NOS1AP: variants seen among roughly 807,000 people sequenced by gnomAD.
The protein encoded by NOS1AP is nitric oxide synthase 1 adaptor protein, also known as carboxyl-terminal PDZ ligand of neuronal nitric oxide synthase protein.
A neutral mutation model predicts 56.2 loss-of-function variants in NOS1AP; 21 were observed. The ratio of observed to expected loss-of-function variants is 0.37; its 90% CI spans 0.26 to 0.54. The LOEUF is 0.54. NOS1AP is among the 20% of genes least tolerant of loss of function. NOS1AP has a pLI of 0.84. For synonymous variants in NOS1AP, 270 were observed against 274.6 expected, an observed-to-expected ratio of 0.98 and a Z score of 0.17; for missense variants, 522 against 657.8, an observed-to-expected ratio of 0.79 and a Z score of 2.26.
chr1:162,251,857 G>GTTTTTTT (rs771192069), intron 2 of NOS1AP, among the ~76,000 whole-genome samples: 7 of 100,438 alleles, frequency 7.0e-5, no homozygotes, highest in Admixed American at 1.3e-4. Context: ...CTAGCTAGTT[G>GTTTTTTT]TTTTTTTTTT....
chr1:162,256,945 A>G (rs756904161), intron 2 of NOS1AP, among the ~76,000 whole-genome samples: 1 of 152,194 alleles, frequency 6.6e-6, no homozygotes, highest in Non-Finnish European at 1.5e-5. Context: ...TTAATAGTTC[A>G]AAGTGCCAAC....
chr1:162,331,628 C>T (rs1162049393), intron 4 of NOS1AP, among the ~76,000 whole-genome samples: 2 of 152,150 alleles, frequency 1.3e-5, no homozygotes, highest in Non-Finnish European at 2.9e-5. Flanking sequence ...CAGCACAGAC[C>T]TACACTAAAA....
At chr1:162,162,812 C>T (rs961086673) in intron 2 of NOS1AP, among the ~76,000 whole-genome samples, 4 of 152,112 alleles carry the variant, frequency 2.6e-5, no homozygotes, top group African/African-American at 2.4e-5. Flanking sequence ...GTATAATTTG[C>T]ATACCATATA....
intron 2 of NOS1AP, among the ~76,000 whole-genome samples, chr1:162,239,793 G>A (rs1277598498): frequency 1.3e-5 from 2 of 152,222 alleles, no homozygotes; most frequent in Non-Finnish European, 2.9e-5. Flanking sequence ...CAAGTAGGGT[G>A]ATGTTGCAAA....
rs1204805892 is a variant in NOS1AP at position 162,070,128 on chromosome 1, C to A, written c.-50C>A. Reference sequence around the variant, plus strand: ...CTCCCCTCCCCGGGGTCTCGCCAGCCCCTTCCTGCAGCCGCCGCCTCCGAA... The same window carrying A: ...CTCCCCTCCCCGGGGTCTCGCCAGCACCTTCCTGCAGCCGCCGCCTCCGAA... On this transcript the variant is annotated 5_prime_UTR_variant, in exon 1 of 10. Transcript: ENST00000361897. The A allele has an allele frequency of 6.8e-7, 1 of 1,477,662 alleles. No homozygotes were observed. The highest frequency in any genetic ancestry group is 9.5e-7 in the Non-Finnish European group (1 of 1,057,042). 91.5% of individuals were successfully genotyped at this position (1,477,662 alleles called of 1,614,324 possible).
intron 2 of NOS1AP, among the ~76,000 whole-genome samples, chr1:162,282,081 C>G (rs1571187718): frequency 1.3e-5 from 2 of 152,236 alleles, no homozygotes; most frequent in South Asian, 4.1e-4. Context: ...GCCTGGGGGA[C>G]AAGAGTGAGA....
In NOS1AP at chr1:162,287,430, G is replaced by GAA; in HGVS notation, c.268_269dup (p.Leu91SerfsTer19). ...GAGTGAAAGTGATTCTGAAGAAGAA[G>GAA]AAAAAGGTAAGTGGCTCTGAACCAG... On this transcript the variant is annotated frameshift_variant, in exon 3 of 10. Coordinates refer to ENST00000361897, the MANE Select transcript of NOS1AP (RefSeq NM_014697.3). LOFTEE classifies it high-confidence loss of function. The GAA allele has an allele frequency of 6.2e-7, 1 of 1,608,992 alleles. No individual in the cohort carries two copies. Among genetic ancestry groups the GAA allele is most frequent in the Non-Finnish European group, 8.5e-7 (1 of 1,175,340 alleles).
At chr1:162,229,757 G>T (rs990359495) in intron 2 of NOS1AP, among the ~76,000 whole-genome samples, 3 of 152,106 alleles carry the variant, frequency 2.0e-5, no homozygotes, top group African/African-American at 7.2e-5. Context: ...ATAATCCCAG[G>T]GTGGTAGTAA....
At chr1:162,081,774 A>ATATATATATATTTTTTTTTTTTTTTTT in intron 1 of NOS1AP, among the ~76,000 whole-genome samples, 4 of 44,054 alleles carry the variant, frequency 9.1e-5, no homozygotes, top group African/African-American at 2.3e-4. Flanking sequence ...ATATATATAT[A>ATATATATATATTTTTTTTTTTTTTTTT]TTTTTTTTTT....
In NOS1AP at chr1:162,113,257, C is replaced by T. The variant is rs541697501; in HGVS notation, c.106-41148C>T. On this transcript the variant is annotated intron_variant, in intron 1 of 9. Transcript: ENST00000361897. Reference sequence around the variant, plus strand: ...GGGGGATGTTGGTTCCCATAGTAAGCACAATTGTTGGAGCATTACTGGAGG... The same window carrying T: ...GGGGGATGTTGGTTCCCATAGTAAGTACAATTGTTGGAGCATTACTGGAGG... Among the ~76,000 whole-genome samples the T allele has an allele frequency of 3.3e-5, 5 of 152,216 alleles. No homozygotes were observed. The East Asian group carries it at 9.6e-4, about 29-fold the overall frequency.
chr1:162,110,605 A>G (rs1227089546), intron 1 of NOS1AP, among the ~76,000 whole-genome samples: 1 of 152,196 alleles, frequency 6.6e-6, no homozygotes, highest in Non-Finnish European at 1.5e-5. Context: ...GTAATGTAAT[A>G]TCTTTAGGTG....
chr1:162,346,566 A>G (rs907443115), intron 6 of NOS1AP, among the ~76,000 whole-genome samples: 1 of 152,234 alleles, frequency 6.6e-6, no homozygotes, highest in African/African-American at 2.4e-5. Flanking sequence ...CACATTTCTT[A>G]TGCATGGAAT....
chr1:162,096,464 G>A (rs1692242677), intron 1 of NOS1AP, among the ~76,000 whole-genome samples: 1 of 151,938 alleles, frequency 6.6e-6, no homozygotes, highest in South Asian at 2.1e-4. Context: ...GTAATATAAA[G>A]ATCATGTAGG....
chr1:162,203,487 A>G (rs984362452), intron 2 of NOS1AP, among the ~76,000 whole-genome samples: 1 of 152,212 alleles, frequency 6.6e-6, no homozygotes, highest in Non-Finnish European at 1.5e-5. Flanking sequence ...CGAGATGTCA[A>G]CATTATGATG....
intron 1 of NOS1AP, among the ~76,000 whole-genome samples, chr1:162,087,377 T>G (rs1692027193): frequency 6.6e-6 from 1 of 152,116 alleles, no homozygotes. Context: ...GGCAGCCACC[T>G]CCCCATTCTC....
chr1:162,200,681 G>A (rs373993782), intron 2 of NOS1AP, among the ~76,000 whole-genome samples: 12 of 152,280 alleles, frequency 7.9e-5, no homozygotes, highest in East Asian at 7.7e-4. Context: ...GATGACTTTT[G>A]GAGAATCAGG....
intron 2 of NOS1AP, among the ~76,000 whole-genome samples, chr1:162,165,190 G>A (rs551846538): frequency 2.6e-5 from 4 of 152,104 alleles, no homozygotes; most frequent in African/African-American, 7.2e-5. Context: ...GCATGGTGCC[G>A]CATGCCTGTA....
chr1:162,180,813 C>T (rs1449588623), intron 2 of NOS1AP, among the ~76,000 whole-genome samples: 1 of 152,182 alleles, frequency 6.6e-6, no homozygotes, highest in East Asian at 1.9e-4. Flanking sequence ...AGACTCTCAG[C>T]AGAGGACCCA....
At chr1:162,189,334 C>T (rs988771796) in intron 2 of NOS1AP, among the ~76,000 whole-genome samples, 5 of 152,160 alleles carry the variant, frequency 3.3e-5, no homozygotes, top group Admixed American at 3.3e-4. Flanking sequence ...TTAAGGTGCT[C>T]ATTTAGTTCT....
Sources: gnomAD v4.1 joint callset for allele counts (sites outside exome capture counted in the v4.1 genomes callset) on GRCh38, gnomAD v4.1.1 for gene constraint, MANE v1.5 for transcripts, NCBI Gene and HGNC (gene_info 2026-07-23, HGNC 2026-07-21) for gene names.